DENND1A: variants seen among roughly 807,000 people sequenced by gnomAD.
DENND1A encodes DENN domain containing 1A, also known as DENN domain-containing protein 1A.
DENND1A carries 51 observed loss-of-function variants against 113.7 expected under a neutral mutation model. That is an observed-to-expected ratio of 0.45 (90% CI 0.36 to 0.57). DENND1A has a LOEUF of 0.57. Among genes scored for constraint, DENND1A ranks in the 20% least tolerant of loss-of-function variants. The pLI, the probability that DENND1A is intolerant of heterozygous loss-of-function variation, is 0.00. For missense variants in DENND1A, 1,258 were observed against 1,395.9 expected (o/e 0.90, Z 1.57); for synonymous variants, 565 against 570.8 (o/e 0.99, Z 0.14).
At chr9:123,385,355 G>C (rs1289265866) in intron 22 of DENND1A, among the ~76,000 whole-genome samples, 2 of 152,134 alleles carry the variant, frequency 1.3e-5, no homozygotes, top group Non-Finnish European at 2.9e-5. Flanking sequence ...AGTAGAGACG[G>C]GGTTTCACTA....
intron 1 of DENND1A, among the ~76,000 whole-genome samples, chr9:123,886,984 C>T (rs1272366422): frequency 6.6e-6 from 1 of 152,138 alleles, no homozygotes; most frequent in Non-Finnish European, 1.5e-5. Flanking sequence ...CCTCTAAGTG[C>T]AAGCAAGGTA....
intron 10 of DENND1A, among the ~76,000 whole-genome samples, chr9:123,628,279 A>G (rs2061329607): frequency 6.6e-6 from 1 of 151,692 alleles, no homozygotes; most frequent in Non-Finnish European, 1.5e-5. Flanking sequence ...ATCTCAACAA[A>G]CAGGTGATGA....
At chr9:123,866,047 A>G (rs1474675682) in intron 2 of DENND1A, among the ~76,000 whole-genome samples, 2 of 152,202 alleles carry the variant, frequency 1.3e-5, no homozygotes, top group Non-Finnish European at 1.5e-5. Flanking sequence ...TCTTTCCCAA[A>G]TACTTTTGTC....
intron 13 of DENND1A, among the ~76,000 whole-genome samples, chr9:123,479,343 A>G (rs779920250): frequency 6.6e-6 from 1 of 152,160 alleles, no homozygotes; most frequent in Non-Finnish European, 1.5e-5. Flanking sequence ...TCACTCCTGA[A>G]CTCCATTATA....
At chr9:123,408,413 G>T (rs2044052759) in intron 20 of DENND1A, among the ~76,000 whole-genome samples, 1 of 152,156 alleles carries the variant, frequency 6.6e-6, no homozygotes, top group African/African-American at 2.4e-5. Flanking sequence ...TAAGTTCGGG[G>T]GACATGCCAG....
chr9:123,594,315 A>G (rs915410564), intron 11 of DENND1A, among the ~76,000 whole-genome samples: 17 of 152,168 alleles, frequency 1.1e-4, no homozygotes, highest in Admixed American at 9.8e-4. Context: ...TGTTTCTCCC[A>G]CAGCCCAACT....
At chr9:123,680,271 A>G (rs6478629) in intron 5 of DENND1A, among the ~76,000 whole-genome samples, 73,627 of 151,956 alleles carry the variant, frequency 0.48, 20,074 homozygotes, top group African/African-American at 0.75. Flanking sequence ...CCCAGGCTCT[A>G]CCCTCACTCC....
At chr9:123,687,423 G>C (rs2064877737) in intron 5 of DENND1A, among the ~76,000 whole-genome samples, 1 of 152,082 alleles carries the variant, frequency 6.6e-6, no homozygotes, top group Non-Finnish European at 1.5e-5. Context: ...ATTAACTCTT[G>C]TTTCCACAGG....
At chr9:123,628,806 A>G (rs1347634177) in intron 10 of DENND1A, among the ~76,000 whole-genome samples, 1 of 152,370 alleles carries the variant, frequency 6.6e-6, no homozygotes, top group African/African-American at 2.4e-5. Context: ...AAGAAATTCA[A>G]AATTAGCCAG....
intron 1 of DENND1A, among the ~76,000 whole-genome samples, chr9:123,928,030 A>G (rs960694254): frequency 9.2e-5 from 14 of 152,232 alleles, no homozygotes; most frequent in African/African-American, 3.4e-4. Flanking sequence ...ATATTTCCCA[A>G]GCCTAAGTTT....
chr9:123,828,142 C>T (rs899796685), intron 2 of DENND1A, among the ~76,000 whole-genome samples: 27 of 150,856 alleles, frequency 1.8e-4, no homozygotes, highest in East Asian at 7.8e-4. Flanking sequence ...GAAAGAAAGA[C>T]GTGGAAGGGA....
intron 2 of DENND1A, among the ~76,000 whole-genome samples, chr9:123,799,105 T>G (rs1834217461): frequency 6.6e-6 from 1 of 152,142 alleles, no homozygotes; most frequent in African/African-American, 2.4e-5. Flanking sequence ...CTCCATATGG[T>G]CTTCATAAAT....
At chr9:123,535,460 C>A (rs893682113) in intron 13 of DENND1A, among the ~76,000 whole-genome samples, 2 of 151,542 alleles carry the variant, frequency 1.3e-5, no homozygotes, top group African/African-American at 4.9e-5. Context: ...AAGCCCCCAA[C>A]GATTGAAACT....
intron 2 of DENND1A, among the ~76,000 whole-genome samples, chr9:123,867,156 TG>T (rs1291569411): frequency 1.3e-5 from 2 of 152,198 alleles, no homozygotes; most frequent in Non-Finnish European, 2.9e-5. Flanking sequence ...GCGGACTGCA[TG>T]TTTTCAATGT....
intron 1 of DENND1A, among the ~76,000 whole-genome samples, chr9:123,904,503 C>T (rs1474706711): frequency 7.1e-6 from 1 of 141,486 alleles, no homozygotes; most frequent in Non-Finnish European, 1.5e-5. Context: ...CTAGAATAAC[C>T]AATACAGAGA....
At chr9:123,676,996 C>T (rs934292170) in intron 5 of DENND1A, among the ~76,000 whole-genome samples, 7 of 152,358 alleles carry the variant, frequency 4.6e-5, no homozygotes, top group Middle Eastern at 6.8e-3. Flanking sequence ...GATTAAATGT[C>T]CATTATAAAT....
At chr9:123,926,172 AAC>A (rs1227653339) in intron 1 of DENND1A, among the ~76,000 whole-genome samples, 1 of 152,252 alleles carries the variant, frequency 6.6e-6, no homozygotes, top group Non-Finnish European at 1.5e-5. Flanking sequence ...ATACAGATGT[AAC>A]ATTTAGGTTT....
chr9:123,744,487 C>A (rs919212816), intron 5 of DENND1A, among the ~76,000 whole-genome samples: 4 of 152,144 alleles, frequency 2.6e-5, no homozygotes, highest in East Asian at 3.8e-4. Context: ...AAAACAGATT[C>A]CCCAAAGTGG....
intron 12 of DENND1A, 47 bp from the exon 13 acceptor site, chr9:123,557,742 T>C (rs2057504320): frequency 6.9e-6 from 11 of 1,605,040 alleles, no homozygotes; most frequent in Non-Finnish European, 9.4e-6. Context: ...AGGGTCAAAG[T>C]AGGGTGGCTG....
Sources: gnomAD v4.1 joint callset for allele counts (sites outside exome capture counted in the v4.1 genomes callset) on GRCh38, gnomAD v4.1.1 for gene constraint, MANE v1.5 for transcripts, NCBI Gene and HGNC (gene_info 2026-07-23, HGNC 2026-07-21) for gene names.